The following RYR2 variants were observed in gnomAD, a reference collection of about 807,000 sequenced individuals.
RYR2 encodes the protein cardiac muscle ryanodine receptor-calcium release channel.
In RYR2, 227 loss-of-function variants were observed where a neutral mutation model predicts 601.1. The observed-to-expected ratio is 0.38, with a 90% CI of 0.34 to 0.42. The LOEUF (loss-of-function observed/expected upper bound fraction) is 0.42. Among genes scored for constraint, RYR2 ranks in the 10% least tolerant of loss-of-function variants. The pLI is 1.00. For synonymous variants in RYR2, 2,223 were observed against 2,175.1 expected (o/e 1.02, Z -0.61); for missense variants, 4,646 against 6,156.5 (o/e 0.75, Z 8.21).
Position 237,140,967 on chromosome 1 carries a change from T to C in RYR2, c.48+98398T>C, listed in dbSNP as rs370414674. Among the ~76,000 whole-genome samples, 9 of 152,350 alleles carry C rather than the reference T, an allele frequency of 5.9e-5. No individual in the cohort carries two copies. The East Asian group carries it at 1.7e-3, about 29-fold the overall frequency. On this transcript the variant is annotated intron_variant, in intron 1 of 104. Coordinates refer to ENST00000366574, the MANE Select transcript of RYR2 (RefSeq NM_001035.3). Reference sequence around the variant, plus strand: ...AGTCACTTTTGGAAGCATAATGCAATGGATTTATGTATTGTCCTGTTTAAG... The same window carrying C: ...AGTCACTTTTGGAAGCATAATGCAACGGATTTATGTATTGTCCTGTTTAAG...
Position 237,146,705 on chromosome 1 carries a change from A to G in RYR2, c.48+104136A>G, listed in dbSNP as rs115395133. Among the ~76,000 whole-genome samples the G allele has an allele frequency of 5.9e-3, 904 of 152,220 alleles. 8 individuals carry two copies. The highest frequency in any genetic ancestry group is 6.8e-3 in the Non-Finnish European group (460 of 68,016). ...GGCTTTTTTGAATTGTCATGTTGCC[A>G]GTTTTCTTTCACTTGGAGGATGTGT... On this transcript the variant is annotated intron_variant, in intron 1 of 104. Coordinates refer to ENST00000366574, the MANE Select transcript of RYR2 (RefSeq NM_001035.3).
chr1:237,456,770 T>TATC, intron 16 of RYR2, 35 bp downstream of exon 16: 2 of 1,609,352 alleles, frequency 1.2e-6, no homozygotes, highest in Non-Finnish European at 1.7e-6. Flanking sequence ...GCAACAGAGT[T>TATC]ATCTATTTAA....
In RYR2 at chr1:237,788,105, G is replaced by A. The variant is rs1657879342; in HGVS notation, c.13446G>A (p.Lys4482=). Residue 4482 remains lysine, a synonymous_variant, in exon 92 of 105, where the codon AAG becomes AAA. Coordinates refer to ENST00000366574, the MANE Select transcript of RYR2 (RefSeq NM_001035.3). The part of the protein sequence containing the change: ...EPEVPESAFW[K]KIIAYQQKLL... Reference sequence around the variant, plus strand: ...AAGTGCCAGAGTCAGCATTCTGGAAGAAAATCATAGCATATCAACAGAAAC... The same window carrying A: ...AAGTGCCAGAGTCAGCATTCTGGAAAAAAATCATAGCATATCAACAGAAAC... The A allele has an allele frequency of 2.5e-6, 4 of 1,611,908 alleles. No homozygotes were observed. Among genetic ancestry groups the A allele is most frequent in the Non-Finnish European group, 3.4e-6 (4 of 1,178,924 alleles).
chr1:237,333,767 A>G (rs1696978074), intron 3 of RYR2: 3 of 351,324 alleles, frequency 8.5e-6, no homozygotes, highest in South Asian at 2.2e-5. Context: ...TTTTTTATCA[A>G]TCAAATTACT....
At chr1:237,579,248 CTTTTTT>C (rs546960253) in intron 29 of RYR2, among the ~76,000 whole-genome samples, 2 of 68,106 alleles carry the variant, frequency 2.9e-5, no homozygotes, top group South Asian at 6.3e-4. Flanking sequence ...TCTTCTTCTT[CTTTTTT>C]TTTTTTTTTT....
In RYR2 at chr1:237,757,685, TA is replaced by T. The variant is rs397516503; in HGVS notation, c.11246-11del. 101 of 1,576,104 alleles carry T rather than the reference TA, an allele frequency of 6.4e-5. 1 individual carries two copies. The African/African-American group carries it at 1.1e-3, about 17-fold the overall frequency. ...AATGATATAAGGAACACTACTTTTT[TA>T]TATTTCTTAGGTGAAACTGGACCAA... On this transcript the variant is annotated splice_polypyrimidine_tract_variant and intron_variant, in intron 81 of 104. Coordinates refer to ENST00000366574, the MANE Select transcript of RYR2 (RefSeq NM_001035.3).
chr1:237,256,820 C>G lies in RYR2; in HGVS notation c.49-13677C>G, dbSNP rs182403666. Among the ~76,000 whole-genome samples, 33 of 152,302 alleles carry G rather than the reference C, an allele frequency of 2.2e-4. No individual in the cohort carries two copies. The East Asian group carries it at 4.2e-3, about 20-fold the overall frequency. On this transcript the variant is annotated intron_variant, in intron 1 of 104. Coordinates refer to ENST00000366574, the MANE Select transcript of RYR2 (RefSeq NM_001035.3). ...TCTCATCTTCTGTGCTGATCTCCCT[C>G]TTCCACTCTACTTTTTTCTCCTTTA...
rs61832453 is a variant in RYR2, at chr1:237,249,190, G to A, written c.49-21307G>A. Among the ~76,000 whole-genome samples, 684 of 152,144 alleles carry A rather than the reference G, an allele frequency of 4.5e-3. 2 individuals are homozygous for A. The highest frequency in any genetic ancestry group is 6.6e-3 in the Non-Finnish European group (446 of 68,010). On this transcript the variant is annotated intron_variant, in intron 1 of 104. Transcript: ENST00000366574. ...AAATTTTGATGAGAACCTTTAGAAG[G>A]TTAGTAATTTCTTTGTCCAACCCAA...
chr1:237,351,606 A>G (rs1265317013), intron 3 of RYR2, among the ~76,000 whole-genome samples: 1 of 152,056 alleles, frequency 6.6e-6, no homozygotes, highest in Non-Finnish European at 1.5e-5. Context: ...ATATAGTGTT[A>G]GCGAAATACA....
At chr1:237,599,116 G>T (rs933140717) in intron 34 of RYR2, among the ~76,000 whole-genome samples, 7 of 152,188 alleles carry the variant, frequency 4.6e-5, no homozygotes, top group Admixed American at 3.9e-4. Flanking sequence ...TTAATAGTGA[G>T]TGAGGAAATT....
chr1:237,416,497 G>A (rs941603016), intron 10 of RYR2, among the ~76,000 whole-genome samples: 2 of 152,006 alleles, frequency 1.3e-5, no homozygotes, highest in African/African-American at 4.8e-5. Flanking sequence ...TTCCTTTTTT[G>A]TGACTTTTTG....
intron 79 of RYR2, among the ~76,000 whole-genome samples, chr1:237,737,702 T>C (rs1187370504): frequency 6.6e-6 from 1 of 152,238 alleles, no homozygotes; most frequent in Non-Finnish European, 1.5e-5. Flanking sequence ...GTGTGATTGA[T>C]TTCTCTGTTT....
At chr1:237,068,119 T>TG (rs1043905987) in intron 1 of RYR2, among the ~76,000 whole-genome samples, 12 of 149,900 alleles carry the variant, frequency 8.0e-5, no homozygotes, top group African/African-American at 3.0e-4. Flanking sequence ...TAGATAGCAC[T>TG]AGTACTTGGC....
chr1:237,057,256 G>A (rs556821000), intron 1 of RYR2, among the ~76,000 whole-genome samples: 16 of 152,196 alleles, frequency 1.1e-4, no homozygotes, highest in Admixed American at 3.3e-4. Context: ...TGTGATATCG[G>A]CTCACTGCAA....
rs186959901 is a variant in RYR2 at position 237,658,094 on chromosome 1, A to G, written c.8208+72A>G. On this transcript the variant is annotated intron_variant, in intron 54 of 104. Coordinates refer to ENST00000366574, the MANE Select transcript of RYR2 (RefSeq NM_001035.3). The stretch of plus-strand genomic sequence containing the variant: ...GGTCACTGTTCAAATATTTCTGACC[A>G]TGACAGTTTTCTGTTTTAAAATGAG... 599 of 854,908 alleles carry G rather than the reference A, an allele frequency of 7.0e-4. 2 individuals are homozygous for G. Among genetic ancestry groups the G allele is most frequent in the East Asian group, 4.9e-4 (15 of 30,372 alleles). 53.0% of individuals were successfully genotyped at this position (854,908 alleles called of 1,614,324 possible). A position where few individuals can be genotyped will look rare whatever the true frequency, so the allele number is the denominator to read the frequency against.
At chr1:237,620,439 A>C (rs1381989995) in intron 38 of RYR2, among the ~76,000 whole-genome samples, 1 of 152,166 alleles carries the variant, frequency 6.6e-6, no homozygotes, top group Non-Finnish European at 1.5e-5. Context: ...AACAAACGGA[A>C]CCACAGGTGA....
At chr1:237,455,286 C>A (rs1184856235) in intron 15 of RYR2, among the ~76,000 whole-genome samples, 1 of 151,904 alleles carries the variant, frequency 6.6e-6, no homozygotes, top group African/African-American at 2.4e-5. Context: ...CCATTCTTTT[C>A]AATGCATCTT....
Position 237,614,722 on chromosome 1 carries a change from A to G in RYR2, c.5594A>G (p.Glu1865Gly), listed in dbSNP as rs2148597888. 1.9e-6 allele frequency: 3 copies of G among 1,614,008 alleles called. No homozygotes were observed. The highest frequency in any genetic ancestry group is 2.5e-6 in the Non-Finnish European group (3 of 1,179,894). ...ATPEEESDTL[E>G]KELSVDDAKL... Reference sequence around the variant, plus strand: ...CCGGAGGAGGAGAGTGACACGCTGGAGAAAGAGCTCAGTGTGGACGATGCA... The same window carrying G: ...CCGGAGGAGGAGAGTGACACGCTGGGGAAAGAGCTCAGTGTGGACGATGCA... The change falls in exon 37 of 105, where the codon GAG (glutamate) becomes GGG (glycine). Residue 1865 changes from glutamate (E) to glycine (G), a missense_variant. By Grantham distance (98) the Glu-to-Gly change is moderately conservative. This residue lies in a region of RYR2 where 1,807 missense variants were observed against 2,088.1 expected (regional missense o/e 0.87). Transcript: ENST00000366574. The surrounding 1 kb of genome is among the most constrained non-coding windows in gnomAD (Gnocchi z 4.3).
In RYR2 at chr1:237,812,092, T is replaced by C. The variant is rs1401860504; in HGVS notation, c.14433+3057T>C. On this transcript the variant is annotated intron_variant, in intron 100 of 104. Coordinates refer to ENST00000366574, the MANE Select transcript of RYR2 (RefSeq NM_001035.3). The stretch of plus-strand genomic sequence containing the variant: ...ATTAACTCAGTAGTCTCCTACCAAC[T>C]TTCTGCTGCAGGTTGGCACTGCTAT... Among the ~76,000 whole-genome samples the C allele has an allele frequency of 2.0e-5, 3 of 152,040 alleles. No individual in the cohort carries two copies. The East Asian group carries it at 5.9e-4, about 30-fold the overall frequency.
Sources: allele counts gnomAD v4.1 joint callset (sites outside exome capture counted in the v4.1 genomes callset), GRCh38; gene constraint gnomAD v4.1.1; regional missense constraint gnomAD v4.1.1; non-coding constraint Gnocchi (gnomAD v3.1); transcripts MANE v1.5; gene names NCBI Gene and HGNC (gene_info 2026-07-23, HGNC 2026-07-21).